The following RBFOX1 variants were observed in gnomAD, a reference collection of about 807,000 sequenced individuals.
RBFOX1 encodes RNA binding protein fox-1 homolog 1.
RBFOX1 carries 8 observed loss-of-function variants against 57.7 expected under a neutral mutation model. The ratio of observed to expected loss-of-function variants is 0.14; its 90% CI spans 0.08 to 0.25. RBFOX1 has a LOEUF of 0.25. Among genes scored for constraint, RBFOX1 ranks in the 10% least tolerant of loss-of-function variants. The probability of loss-of-function intolerance (pLI) is 1.00; values close to 1 mark genes in which losing one functional copy is unlikely to be tolerated. For synonymous variants in RBFOX1, 326 were observed against 222.4 expected, an observed-to-expected ratio of 1.47 and a Z score of -4.15; for missense variants, 611 against 548.5, an observed-to-expected ratio of 1.11 and a Z score of -1.14.
At chr16:7,450,424 TACAG>T (rs1231048668) in intron 4 of RBFOX1, among the ~76,000 whole-genome samples, 1 of 144,006 alleles carries the variant, frequency 6.9e-6, no homozygotes, top group Non-Finnish European at 1.5e-5. Context: ...AGGAGAAACT[TACAG>T]AAAGCAAGTT....
intron 4 of RBFOX1, among the ~76,000 whole-genome samples, chr16:7,246,355 C>T (rs1040416590): frequency 6.6e-6 from 1 of 152,182 alleles, no homozygotes; most frequent in African/African-American, 2.4e-5. Flanking sequence ...GCATCCCCCA[C>T]AGCAAAGCAG....
intron 4 of RBFOX1, among the ~76,000 whole-genome samples, chr16:7,294,794 TG>T (rs2095859167): frequency 6.6e-6 from 1 of 151,950 alleles, no homozygotes; most frequent in African/African-American, 2.4e-5. Context: ...ATGATGATGA[TG>T]ATGATGACAG....
At position 6,655,373 on chromosome 16, in the gene RBFOX1, CAAAAAAAAAAAAAAAA is replaced by C. The variant is rs71406388; in HGVS notation, c.-16+738_-16+753del. 9.8e-4 allele frequency among the ~76,000 whole-genome samples: 33 copies of C among 33,740 alleles called. 3 individuals are homozygous for C. The highest frequency in any genetic ancestry group is 3.7e-3 in the Admixed American group (12 of 3,236). The allele number at this position is 33,740 out of a possible 152,430, so 22.1% of individuals were successfully genotyped here. A position where few individuals can be genotyped will look rare whatever the true frequency, so the allele number is the denominator to read the frequency against. ...TGAGTGACAAAATAAGCCTCCGTTT[CAAAAAAAAAAAAAAAA>C]AAAAAAAAAAAAAAGAGCTCGCGCT... On this transcript the variant is annotated intron_variant, in intron 3 of 15. Coordinates refer to ENST00000550418, the MANE Select transcript of RBFOX1 (RefSeq NM_018723.4).
At chr16:6,717,427 G>A (rs182820998) in intron 3 of RBFOX1, among the ~76,000 whole-genome samples, 123 of 152,272 alleles carry the variant, frequency 8.1e-4, no homozygotes, top group Admixed American at 8.0e-3. Flanking sequence ...AAACTTGAGA[G>A]CAGAATGGTG....
chr16:5,994,403 C>T (rs1266783236), intron 4 of RBFOX1, among the ~76,000 whole-genome samples: 1 of 152,196 alleles, frequency 6.6e-6, no homozygotes, highest in Non-Finnish European at 1.5e-5. Context: ...CTTGGGTGAT[C>T]TCCCTGCTTT....
intron 3 of RBFOX1, among the ~76,000 whole-genome samples, chr16:6,907,387 G>T (rs913599068): frequency 6.6e-6 from 1 of 152,114 alleles, no homozygotes; most frequent in Admixed American, 6.5e-5. Flanking sequence ...CCATGTATTG[G>T]TTTTCTAGGG....
In RBFOX1 at chr16:7,076,415, C is replaced by T. The variant is rs762198867; in HGVS notation, c.27+24317C>T. ...TTGTCAAAACCAGCAAAAGAAAAGA[C>T]CAAGAAGAGTCCCATGCTTGAGAAA... is the stretch of plus-strand genomic sequence containing the variant. On this transcript the variant is annotated intron_variant, in intron 4 of 15. Coordinates refer to ENST00000550418, the MANE Select transcript of RBFOX1 (RefSeq NM_018723.4). 8.6e-4 allele frequency among the ~76,000 whole-genome samples: 130 copies of T among 151,876 alleles called. 1 individual carries two copies. Among genetic ancestry groups the T allele is most frequent in the Admixed American group, 1.6e-3 (24 of 15,254 alleles).
chr16:5,920,724 A>G (rs1370951426), intron 4 of RBFOX1, among the ~76,000 whole-genome samples: 1 of 152,216 alleles, frequency 6.6e-6, no homozygotes, highest in Non-Finnish European at 1.5e-5. Context: ...CCGTCCCTAG[A>G]CAATGATGTC....
chr16:6,400,303 A>G (rs888179354), intron 2 of RBFOX1, among the ~76,000 whole-genome samples: 2 of 152,356 alleles, frequency 1.3e-5, no homozygotes, highest in South Asian at 2.1e-4. Flanking sequence ...TAACGTACCT[A>G]TAAAAGTACC....
chr16:7,160,155 T>C (rs1601449216), intron 4 of RBFOX1, among the ~76,000 whole-genome samples: 2 of 152,262 alleles, frequency 1.3e-5, no homozygotes, highest in East Asian at 3.9e-4. Flanking sequence ...AAAGGAATTC[T>C]GAGGATTCTT....
chr16:7,532,715 A>G (rs1299044337), intron 5 of RBFOX1, among the ~76,000 whole-genome samples: 1 of 152,224 alleles, frequency 6.6e-6, no homozygotes, highest in Non-Finnish European at 1.5e-5. Context: ...TGTTTTTGTC[A>G]ATAAAGTTTT....
intron 4 of RBFOX1, among the ~76,000 whole-genome samples, chr16:5,952,028 C>CAT (rs1021406355): frequency 4.0e-5 from 6 of 150,170 alleles, no homozygotes; most frequent in Admixed American, 1.3e-4. Flanking sequence ...CACACACACA[C>CAT]ATATATATAG....
chr16:6,719,740 T>A (rs986355080), intron 3 of RBFOX1, among the ~76,000 whole-genome samples: 1 of 151,958 alleles, frequency 6.6e-6, no homozygotes, highest in Non-Finnish European at 1.5e-5. Context: ...GCCACCGCAC[T>A]TGGCCAAAAT....
chr16:5,729,398 T>C (rs1397765288), intron 3 of RBFOX1, among the ~76,000 whole-genome samples: 2 of 55,026 alleles, frequency 3.6e-5, no homozygotes, highest in Non-Finnish European at 2.8e-5. Flanking sequence ...TTTCTTTTCT[T>C]TTTTTTTTTT....
chr16:6,442,279 C>T (rs1245144730), intron 2 of RBFOX1, among the ~76,000 whole-genome samples: 5 of 152,080 alleles, frequency 3.3e-5, no homozygotes, highest in Admixed American at 6.6e-5. Context: ...CACTGTTGGC[C>T]GTGCACGGTG....
At chr16:7,117,375 A>C (rs140431540) in intron 4 of RBFOX1, among the ~76,000 whole-genome samples, 1 of 152,304 alleles carries the variant, frequency 6.6e-6, no homozygotes, top group South Asian at 2.1e-4. Flanking sequence ...TCTGTAAAGT[A>C]TGTGGATGTG....
intron 3 of RBFOX1, among the ~76,000 whole-genome samples, chr16:6,755,832 A>G (rs757367171): frequency 6.6e-6 from 1 of 152,110 alleles, no homozygotes; most frequent in Non-Finnish European, 1.5e-5. Flanking sequence ...TTAAAGTAAT[A>G]TGGATTCTTT....
chr16:7,414,348 A>G (rs1378614847), intron 4 of RBFOX1, among the ~76,000 whole-genome samples: 1 of 152,232 alleles, frequency 6.6e-6, no homozygotes. Flanking sequence ...AAAGTAAGGT[A>G]AGAAGATAGA....
chr16:5,438,561 G>A (rs967779450), intron 1 of RBFOX1, among the ~76,000 whole-genome samples: 6 of 152,132 alleles, frequency 3.9e-5, no homozygotes, highest in Non-Finnish European at 8.8e-5. Context: ...CACCCAGCTA[G>A]TTCTCCTATT....
Sources: gnomAD v4.1 joint callset for allele counts (sites outside exome capture counted in the v4.1 genomes callset) on GRCh38, gnomAD v4.1.1 for gene constraint, MANE v1.5 for transcripts, NCBI Gene and HGNC (gene_info 2026-07-23, HGNC 2026-07-21) for gene names.